ROBO2: variants seen among roughly 807,000 people sequenced by gnomAD.
The protein encoded by ROBO2 is roundabout guidance receptor 2, also known as roundabout homolog 2.
ROBO2 carries 53 observed loss-of-function variants against 160.8 expected under a neutral mutation model. The ratio of observed to expected loss-of-function variants is 0.33; its 90% CI spans 0.26 to 0.41. ROBO2 has a LOEUF of 0.41. Among genes scored for constraint, ROBO2 ranks in the 10% least tolerant of loss-of-function variants. The pLI, the probability that ROBO2 is intolerant of heterozygous loss-of-function variation, is 1.00. For missense variants in ROBO2, 1,577 were observed against 1,722.4 expected (o/e 0.92, Z 1.49); for synonymous variants, 664 against 611.7 (o/e 1.09, Z -1.26).
intron 2 of ROBO2, among the ~76,000 whole-genome samples, chr3:76,059,592 C>T (rs552435374): frequency 3.9e-5 from 6 of 152,026 alleles, no homozygotes; most frequent in Non-Finnish European, 5.9e-5. Context: ...TTCTCCCATT[C>T]TGTAAGTTGC....
intron 24 of ROBO2, among the ~76,000 whole-genome samples, chr3:77,640,086 G>A (rs1014846410): frequency 5.7e-5 from 8 of 140,860 alleles, no homozygotes; most frequent in Non-Finnish European, 7.7e-5. Context: ...AAGAAACACT[G>A]CAGAGGAAGC....
chr3:76,628,240 G>T (rs138229814), intron 2 of ROBO2, among the ~76,000 whole-genome samples: 1,520 of 151,758 alleles, frequency 0.01, 11 homozygotes, highest in Middle Eastern at 0.024. Context: ...TAAAAACAAC[G>T]TGTGTTTTTT....
chr3:76,187,988 A>G (rs937374464), intron 2 of ROBO2, among the ~76,000 whole-genome samples: 2 of 152,146 alleles, frequency 1.3e-5, no homozygotes, highest in African/African-American at 4.8e-5. Context: ...ACTTAGTGCC[A>G]CTTTTCCTAT....
Position 77,577,475 on chromosome 3 carries a change from T to C in ROBO2, c.2204-15T>C, listed in dbSNP as rs2093799103. On this transcript the variant is annotated splice_polypyrimidine_tract_variant and intron_variant, in intron 14 of 25. Transcript: ENST00000461745. Reference sequence around the variant, plus strand: ...GGCTTATAGTTTGCATTTATTCTAATTACTTCCTCTACAGCCCCAAGTGCC... The same window carrying C: ...GGCTTATAGTTTGCATTTATTCTAACTACTTCCTCTACAGCCCCAAGTGCC... The C allele has an allele frequency of 6.2e-6, 10 of 1,613,078 alleles. No individual in the cohort carries two copies. Among genetic ancestry groups the C allele is most frequent in the African/African-American group, 1.3e-5 (1 of 74,866 alleles).
intron 6 of ROBO2, among the ~76,000 whole-genome samples, chr3:77,530,198 A>G (rs2091551540): frequency 6.6e-6 from 1 of 152,006 alleles, no homozygotes; most frequent in African/African-American, 2.4e-5. Flanking sequence ...TATAAATTAG[A>G]TGAAGAAATA....
intron 2 of ROBO2, among the ~76,000 whole-genome samples, chr3:76,282,864 T>C (rs1708300807): frequency 2.0e-5 from 3 of 151,802 alleles, no homozygotes; most frequent in Non-Finnish European, 2.9e-5. Flanking sequence ...TACTTATGCA[T>C]ATAAAACCAC....
At chr3:76,413,604 A>G (rs556866453) in intron 2 of ROBO2, among the ~76,000 whole-genome samples, 40 of 152,206 alleles carry the variant, frequency 2.6e-4, no homozygotes, top group Non-Finnish European at 4.7e-4. Flanking sequence ...CTTTGCTAAA[A>G]CGTAACAAGA....
At chr3:76,899,039 G>A (rs2075028368) in intron 2 of ROBO2, among the ~76,000 whole-genome samples, 2 of 152,070 alleles carry the variant, frequency 1.3e-5, no homozygotes, top group African/African-American at 2.4e-5. Flanking sequence ...CCTATTCCAT[G>A]TGTTTCCAAA....
chr3:76,913,249 G>T (rs116237383), intron 2 of ROBO2, among the ~76,000 whole-genome samples: 5 of 152,152 alleles, frequency 3.3e-5, no homozygotes, highest in Admixed American at 3.3e-4. Context: ...GGTGGTGGGA[G>T]AGGTCTTTAG....
chr3:77,296,038 A>G (rs1256375377), intron 2 of ROBO2, among the ~76,000 whole-genome samples: 1 of 150,666 alleles, frequency 6.6e-6, no homozygotes, highest in Non-Finnish European at 1.5e-5. Context: ...GACATAAAGT[A>G]GAATTGATGG....
intron 2 of ROBO2, among the ~76,000 whole-genome samples, chr3:76,144,285 G>A (rs1275194198): frequency 6.6e-6 from 1 of 151,976 alleles, no homozygotes; most frequent in African/African-American, 2.4e-5. Flanking sequence ...GGAGGAATGT[G>A]ATAAAGATCT....
At chr3:76,582,991 G>A (rs2085797074) in intron 2 of ROBO2, among the ~76,000 whole-genome samples, 1 of 149,340 alleles carries the variant, frequency 6.7e-6, no homozygotes, top group African/African-American at 2.5e-5. Context: ...ACTATAAAAT[G>A]TTTCCTTGGT....
At chr3:76,502,827 A>C (rs934166692) in intron 2 of ROBO2, among the ~76,000 whole-genome samples, 1 of 152,316 alleles carries the variant, frequency 6.6e-6, no homozygotes, top group East Asian at 1.9e-4. Flanking sequence ...AGAGAAAAAA[A>C]CAAAAGGAAT....
At position 76,039,323 on chromosome 3, in the gene ROBO2, C is replaced by A. The variant is rs192058942; in HGVS notation, c.109+101721C>A. ...TGATGGGTTGAATTGAGAAAATAAA[C>A]ATGGTCTATTTTTTTTAGGCAGCAT... On this transcript the variant is annotated intron_variant, in intron 2 of 26. Transcript: ENST00000487694. Among the ~76,000 whole-genome samples the A allele has an allele frequency of 1.9e-4, 29 of 151,942 alleles. No homozygotes were observed. In the East Asian group the frequency reaches 4.3e-3, roughly 22 times the overall value.
At chr3:76,221,907 A>G (rs1213266158) in intron 2 of ROBO2, among the ~76,000 whole-genome samples, 1 of 152,178 alleles carries the variant, frequency 6.6e-6, no homozygotes, top group Non-Finnish European at 1.5e-5. Flanking sequence ...AGAAGGGTCT[A>G]TTCCAATAAG....
intron 2 of ROBO2, among the ~76,000 whole-genome samples, chr3:76,986,032 A>G (rs2060361368): frequency 6.6e-6 from 1 of 152,206 alleles, no homozygotes; most frequent in Non-Finnish European, 1.5e-5. Context: ...CTATAAATCT[A>G]ATCAATAACT....
At chr3:76,011,741 T>A (rs1030808336) in intron 2 of ROBO2, among the ~76,000 whole-genome samples, 1 of 152,226 alleles carries the variant, frequency 6.6e-6, no homozygotes, top group Non-Finnish European at 1.5e-5. Context: ...GATAATAGTG[T>A]ATATGTAGAC....
At chr3:77,027,359 C>T (rs1559864165) in intron 2 of ROBO2, among the ~76,000 whole-genome samples, 1 of 152,166 alleles carries the variant, frequency 6.6e-6, no homozygotes, top group Non-Finnish European at 1.5e-5. Context: ...GGCCCAAACA[C>T]TCATTCAAGT....
At chr3:76,401,364 G>C (rs1459121271) in intron 2 of ROBO2, among the ~76,000 whole-genome samples, 1 of 151,532 alleles carries the variant, frequency 6.6e-6, no homozygotes, top group African/African-American at 2.4e-5. Context: ...GGAAGGTAAA[G>C]AAAGCTTGTG....
Sources: allele counts gnomAD v4.1 joint callset (sites outside exome capture counted in the v4.1 genomes callset), GRCh38; gene constraint gnomAD v4.1.1; transcripts MANE v1.5; gene names NCBI Gene and HGNC (gene_info 2026-07-23, HGNC 2026-07-21).